IQCJ: variants seen among roughly 807,000 people sequenced by gnomAD.
The protein encoded by IQCJ is IQ motif containing J.
IQCJ carries 9 observed loss-of-function variants against 11.0 expected under a neutral mutation model. The observed-to-expected ratio is 0.82, with a 90% CI of 0.49 to 1.43. The LOEUF (loss-of-function observed/expected upper bound fraction) is 1.43. Ranked by LOEUF, IQCJ falls within the 40% of genes most tolerant of loss-of-function variation. The pLI is 0.00. For missense variants in IQCJ, 146 were observed against 133.2 expected (o/e 1.10, Z -0.47); for synonymous variants, 55 against 51.3 (o/e 1.07, Z -0.31).
At chr3:159,075,208 A>C (rs1433494559) in intron 1 of IQCJ, among the ~76,000 whole-genome samples, 1 of 152,166 alleles carries the variant, frequency 6.6e-6, no homozygotes, top group Non-Finnish European at 1.5e-5. Flanking sequence ...AGCTCAAAGC[A>C]AGTATTTAAT....
intron 1 of IQCJ, among the ~76,000 whole-genome samples, chr3:159,205,811 G>A (rs1281130750): frequency 6.6e-6 from 1 of 152,146 alleles, no homozygotes; most frequent in African/African-American, 2.4e-5. Flanking sequence ...GCAAATTCTG[G>A]CAAATTGACT....
At chr3:159,179,429 A>T (rs781369495) in intron 1 of IQCJ, among the ~76,000 whole-genome samples, 1 of 152,178 alleles carries the variant, frequency 6.6e-6, no homozygotes, top group East Asian at 1.9e-4. Context: ...CCAGGAACCT[A>T]TCAAACTGGT....
At chr3:159,223,442 G>A (rs1396423453) in intron 1 of IQCJ, among the ~76,000 whole-genome samples, 1 of 152,060 alleles carries the variant, frequency 6.6e-6, no homozygotes, top group South Asian at 2.1e-4. Context: ...CGTTACATGT[G>A]TAAGTTCTTA....
At chr3:159,219,706 C>A (rs568940743) in intron 1 of IQCJ, among the ~76,000 whole-genome samples, 4 of 152,114 alleles carry the variant, frequency 2.6e-5, no homozygotes, top group African/African-American at 9.7e-5. Flanking sequence ...TATTGACTTG[C>A]GGGCCTGTCT....
intron 1 of IQCJ, among the ~76,000 whole-genome samples, chr3:159,089,637 C>T (rs1306608628): frequency 6.6e-6 from 1 of 151,664 alleles, no homozygotes; most frequent in Non-Finnish European, 1.5e-5. Context: ...TCTTTTTTCT[C>T]TAAACTTCCC....
intron 3 of IQCJ, among the ~76,000 whole-genome samples, chr3:159,257,526 G>A (rs2108226636): frequency 6.6e-6 from 1 of 152,288 alleles, no homozygotes; most frequent in Non-Finnish European, 1.5e-5. Flanking sequence ...ATCCATCAGT[G>A]TGGCAGTGAA....
chr3:159,163,004 A>C (rs973813040), intron 1 of IQCJ, among the ~76,000 whole-genome samples: 2 of 152,186 alleles, frequency 1.3e-5, no homozygotes, highest in African/African-American at 4.8e-5. Flanking sequence ...ACAAGGAGGA[A>C]CTGGTACCAT....
intron 1 of IQCJ, among the ~76,000 whole-genome samples, chr3:159,166,346 T>C (rs1722166339): frequency 6.6e-6 from 1 of 152,222 alleles, no homozygotes; most frequent in South Asian, 2.1e-4. Flanking sequence ...AAGCTAACCG[T>C]GGAGCATAAC....
At chr3:159,139,425 G>GT (rs1301908406) in intron 1 of IQCJ, among the ~76,000 whole-genome samples, 1 of 152,098 alleles carries the variant, frequency 6.6e-6, no homozygotes, top group Non-Finnish European at 1.5e-5. Context: ...CTCACTCCTG[G>GT]TCATGGTTGG....
chr3:159,080,621 C>T (rs1017858130), intron 1 of IQCJ, among the ~76,000 whole-genome samples: 3 of 152,134 alleles, frequency 2.0e-5, no homozygotes, highest in African/African-American at 4.8e-5. Flanking sequence ...ATTTGGGTTG[C>T]TATTTGACAG....
At chr3:159,220,707 C>A (rs1213617646) in intron 1 of IQCJ, among the ~76,000 whole-genome samples, 1 of 152,098 alleles carries the variant, frequency 6.6e-6, no homozygotes, top group African/African-American at 2.4e-5. Flanking sequence ...AATACCACAC[C>A]CTAATGGAGG....
At chr3:159,172,518 A>C (rs901199252) in intron 1 of IQCJ, among the ~76,000 whole-genome samples, 2 of 152,108 alleles carry the variant, frequency 1.3e-5, no homozygotes, top group African/African-American at 4.8e-5. Flanking sequence ...TATAACATAT[A>C]TATATAGTTG....
At chr3:159,115,904 A>G (rs570979114) in intron 1 of IQCJ, among the ~76,000 whole-genome samples, 1 of 152,244 alleles carries the variant, frequency 6.6e-6, no homozygotes, top group Admixed American at 6.5e-5. Context: ...TGGGTATCAC[A>G]CACTGGGGCC....
chr3:159,132,023 C>G (rs1720021101), intron 1 of IQCJ, among the ~76,000 whole-genome samples: 1 of 152,144 alleles, frequency 6.6e-6, no homozygotes, highest in Non-Finnish European at 1.5e-5. Context: ...GAATTTGCCT[C>G]TGTCAGCCCT....
chr3:159,130,020 GGGAAAGAACAGTT>G (rs139161531), intron 1 of IQCJ, among the ~76,000 whole-genome samples: 3,976 of 150,212 alleles, frequency 0.026, 181 homozygotes, highest in African/African-American at 0.092. Flanking sequence ...CCACAGTCAA[GGGAAAGAACAGTT>G]CCACCATAGG....
intron 1 of IQCJ, among the ~76,000 whole-genome samples, chr3:159,211,771 T>G (rs1182535699): frequency 6.6e-6 from 1 of 152,132 alleles, no homozygotes; most frequent in Non-Finnish European, 1.5e-5. Flanking sequence ...AAGTTTCTAT[T>G]TCTTTGCTTG....
At position 159,090,359 on chromosome 3, in the gene IQCJ, G is replaced by A. The variant is rs577929777; in HGVS notation, c.9+20918G>A. On this transcript the variant is annotated intron_variant, in intron 1 of 3. Transcript: ENST00000397832. ...TCAGATGGAAATGCAGAAATCACCC[G>A]TCTTCTGCGTCGCTCACGCTGGGAG... Among the ~76,000 whole-genome samples, 20 of 151,916 alleles carry A rather than the reference G, an allele frequency of 1.3e-4. 1 individual carries two copies. The highest frequency in any genetic ancestry group is 2.2e-4 in the African/African-American group (9 of 41,220).
At chr3:159,183,148 A>G (rs1159709021) in intron 1 of IQCJ, among the ~76,000 whole-genome samples, 2 of 152,192 alleles carry the variant, frequency 1.3e-5, no homozygotes, top group African/African-American at 4.8e-5. Flanking sequence ...CAGCCACTGC[A>G]GGGCAAAGTC....
intron 1 of IQCJ, among the ~76,000 whole-genome samples, chr3:159,073,708 A>G (rs1426424788): frequency 2.6e-5 from 4 of 152,070 alleles, no homozygotes; most frequent in Non-Finnish European, 5.9e-5. Context: ...TATGTTAAAT[A>G]CCACTCTGAT....
Sources: gnomAD v4.1 joint callset for allele counts (sites outside exome capture counted in the v4.1 genomes callset) on GRCh38, gnomAD v4.1.1 for gene constraint, MANE v1.5 for transcripts, NCBI Gene and HGNC (gene_info 2026-07-23, HGNC 2026-07-21) for gene names.